HECW2: variants seen among roughly 807,000 people sequenced by gnomAD.
HECW2 encodes the protein E3 ubiquitin-protein ligase HECW2.
HECW2 carries 61 observed loss-of-function variants against 175.2 expected under a neutral mutation model. That is an observed-to-expected ratio of 0.35 (90% CI 0.28 to 0.43). The LOEUF (loss-of-function observed/expected upper bound fraction) is 0.43. Ranked by LOEUF, HECW2 falls within the 20% of genes least tolerant of loss-of-function variation. The pLI is 1.00. For synonymous variants in HECW2, 671 were observed against 731.0 expected, an observed-to-expected ratio of 0.92 and a Z score of 1.32; for missense variants, 1,524 against 2,000.5, an observed-to-expected ratio of 0.76 and a Z score of 4.54.
chr2:196,282,345 A>G (rs540524508), intron 14 of HECW2, among the ~76,000 whole-genome samples: 41 of 152,348 alleles, frequency 2.7e-4, no homozygotes, highest in African/African-American at 8.9e-4. Flanking sequence ...TGAGGAAAAG[A>G]GTCAAACTCT....
chr2:196,231,580 A>G (rs1688058397), intron 21 of HECW2, among the ~76,000 whole-genome samples: 1 of 152,244 alleles, frequency 6.6e-6, no homozygotes, highest in Admixed American at 6.5e-5. Context: ...AGTAGGTGCC[A>G]TAGAGGTTTG....
At chr2:196,417,591 T>G (rs896802235) in intron 2 of HECW2, among the ~76,000 whole-genome samples, 3 of 152,192 alleles carry the variant, frequency 2.0e-5, no homozygotes, top group Non-Finnish European at 2.9e-5. Flanking sequence ...AGAATTTTAT[T>G]AGTTGCATAG....
intron 2 of HECW2, among the ~76,000 whole-genome samples, chr2:196,424,185 AC>A (rs1306253838): frequency 1.3e-5 from 2 of 152,034 alleles, no homozygotes; most frequent in Non-Finnish European, 2.9e-5. Flanking sequence ...GTTTTGAGGC[AC>A]CATGAACTGT....
chr2:196,531,696 G>A (rs1375779000), intron 1 of HECW2, among the ~76,000 whole-genome samples: 1 of 151,482 alleles, frequency 6.6e-6, no homozygotes, highest in Non-Finnish European at 1.5e-5. Context: ...TTCAGGATGA[G>A]ACCAAGCTCT....
At chr2:196,484,737 G>A (rs75130347) in intron 1 of HECW2, among the ~76,000 whole-genome samples, 5,757 of 152,094 alleles carry the variant, frequency 0.038, 372 homozygotes, top group African/African-American at 0.13. Flanking sequence ...GCCAGGCACC[G>A]CCCTCCCCAA....
At chr2:196,440,680 TAAGA>T (rs1430241040) in intron 1 of HECW2, among the ~76,000 whole-genome samples, 1 of 152,192 alleles carries the variant, frequency 6.6e-6, no homozygotes, top group Non-Finnish European at 1.5e-5. Context: ...CCTTCTGCAA[TAAGA>T]AAGACACATT....
Position 196,249,466 on chromosome 2 carries a change from G to GT in HECW2, c.3529+4453_3529+4454insA, listed in dbSNP as rs11421373. 5.9e-5 allele frequency among the ~76,000 whole-genome samples: 9 copies of GT among 152,228 alleles called. No individual in the cohort carries two copies. In the South Asian group the frequency reaches 6.2e-4, roughly 11 times the overall value. On this transcript the variant is annotated intron_variant, in intron 19 of 28. Coordinates refer to ENST00000644978, the MANE Select transcript of HECW2 (RefSeq NM_001348768.2). ...GTCAACGTGCTTGGAATGAGGAAAAGGGGGAAAGTTTACCAGGTTCCTAGG... is the reference window on the plus strand; with the variant it reads ...GTCAACGTGCTTGGAATGAGGAAAAGTGGGGAAAGTTTACCAGGTTCCTAGG...
chr2:196,335,321 G>A (rs1453638277), intron 3 of HECW2, among the ~76,000 whole-genome samples: 1 of 152,194 alleles, frequency 6.6e-6, no homozygotes, highest in Non-Finnish European at 1.5e-5. Flanking sequence ...CTGTGTTAAA[G>A]ATAAACCTAC....
At position 196,402,116 on chromosome 2, in the gene HECW2, G is replaced by C. The variant is rs1276936097; in HGVS notation, c.292+31016C>G. 2.9e-5 allele frequency among the ~76,000 whole-genome samples: 4 copies of C among 139,464 alleles called. No homozygotes were observed. In the East Asian group the frequency reaches 9.2e-4, roughly 32 times the overall value. 91.5% of individuals were successfully genotyped at this position (139,464 alleles called of 152,430 possible). A position where few individuals can be genotyped will look rare whatever the true frequency, so the allele number is the denominator to read the frequency against. On this transcript the variant is annotated intron_variant, in intron 2 of 28. Coordinates refer to ENST00000644978, the MANE Select transcript of HECW2 (RefSeq NM_001348768.2). ...CTCGGGAGGCTGAGGCAGGAGAATG[G>C]CATGAATCTGGGAGGCGGAGCTTGC... is the stretch of plus-strand genomic sequence containing the variant.
intron 2 of HECW2, among the ~76,000 whole-genome samples, chr2:196,410,230 C>A (rs1695072873): frequency 6.6e-6 from 1 of 152,178 alleles, no homozygotes; most frequent in Non-Finnish European, 1.5e-5. Context: ...GTTCCATGGT[C>A]ATGCGCTTTG....
intron 10 of HECW2, among the ~76,000 whole-genome samples, chr2:196,309,656 C>A (rs1003202411): frequency 6.6e-6 from 1 of 152,108 alleles, no homozygotes; most frequent in African/African-American, 2.4e-5. Flanking sequence ...CAGGGTAATT[C>A]AGGCACATAG....
intron 2 of HECW2, among the ~76,000 whole-genome samples, chr2:196,377,851 C>A (rs969950407): frequency 6.6e-6 from 1 of 151,986 alleles, no homozygotes; most frequent in Admixed American, 6.6e-5. Flanking sequence ...ACTGCTAAGC[C>A]AAATTAGAAA....
rs983837740 is a variant in HECW2, at chr2:196,233,706, T to C, written c.3765-5452A>G. ...GCCTAGATACAGAAGCATCCTTCTTTAGAAAGGTTTGGGTAATTTAGGTTA... is the reference window on the plus strand; with the variant it reads ...GCCTAGATACAGAAGCATCCTTCTTCAGAAAGGTTTGGGTAATTTAGGTTA... On this transcript the variant is annotated intron_variant, in intron 21 of 28. Transcript: ENST00000644978. Among the ~76,000 whole-genome samples the C allele has an allele frequency of 3.7e-4, 56 of 152,214 alleles. 2 individuals carry two copies. The highest frequency in any genetic ancestry group is 4.4e-5 in the Non-Finnish European group (3 of 68,032).
chr2:196,537,798 T>G (rs556811911), intron 1 of HECW2, among the ~76,000 whole-genome samples: 5 of 152,306 alleles, frequency 3.3e-5, no homozygotes, highest in Admixed American at 3.3e-4. Context: ...AATTTTTCTT[T>G]GAAGATAATA....
intron 13 of HECW2, among the ~76,000 whole-genome samples, chr2:196,295,471 C>T (rs1254574408): frequency 6.6e-6 from 1 of 152,110 alleles, no homozygotes; most frequent in East Asian, 1.9e-4. Context: ...GTGTAGGGAT[C>T]ATAATGAGCT....
At chr2:196,578,806 C>T (rs1370129071) in intron 1 of HECW2, among the ~76,000 whole-genome samples, 2 of 152,102 alleles carry the variant, frequency 1.3e-5, no homozygotes, top group Non-Finnish European at 2.9e-5. Context: ...ATAAGCAAAA[C>T]TTGAGAGAAT....
intron 2 of HECW2, among the ~76,000 whole-genome samples, chr2:196,347,216 C>A (rs1442284953): frequency 2.0e-5 from 3 of 151,510 alleles, no homozygotes; most frequent in Non-Finnish European, 4.4e-5. Context: ...CCACGCCCAG[C>A]TAATTTTTTT....
chr2:196,319,856 T>A lies in HECW2; in HGVS notation c.1034A>T (p.Asn345Ile), dbSNP rs774240564. 1 of 1,613,738 alleles carries A rather than the reference T, an allele frequency of 6.2e-7. No individual in the cohort carries two copies. The highest frequency in any genetic ancestry group is 8.5e-7 in the Non-Finnish European group (1 of 1,179,698). Reference protein sequence around the residue: ...VGTILGVNSVNGDLGSPSDDE... With the variant: ...VGTILGVNSVIGDLGSPSDDE... Reference sequence around the variant, plus strand: ...ATCGGAAGGGCTACCTAAGTCTCCATTCACAGAATTGACTCCAAGTATTGT... The same window carrying A: ...ATCGGAAGGGCTACCTAAGTCTCCAATCACAGAATTGACTCCAAGTATTGT... The change falls in exon 9 of 29, where the codon AAT (asparagine) becomes ATT (isoleucine). Residue 345 changes from asparagine to isoleucine, a missense_variant. This residue lies in a region of HECW2 where 604 missense variants were observed against 588.3 expected (regional missense o/e 1.03). Coordinates refer to ENST00000644978, the MANE Select transcript of HECW2 (RefSeq NM_001348768.2).
intron 1 of HECW2, among the ~76,000 whole-genome samples, chr2:196,567,668 A>C (rs1690232114): frequency 6.6e-6 from 1 of 152,218 alleles, no homozygotes; most frequent in Admixed American, 6.5e-5. Flanking sequence ...AACCAGAATT[A>C]ATTATCTAAC....
Sources: allele counts gnomAD v4.1 joint callset (sites outside exome capture counted in the v4.1 genomes callset), GRCh38; gene constraint gnomAD v4.1.1; regional missense constraint gnomAD v4.1.1; transcripts MANE v1.5; gene names NCBI Gene and HGNC (gene_info 2026-07-23, HGNC 2026-07-21).